SOS2: variants seen among roughly 807,000 people sequenced by gnomAD.
SOS2 encodes son of sevenless homolog 2.
Under a neutral mutation model 148.2 loss-of-function variants are expected in SOS2, and 65 were observed. The observed-to-expected ratio is 0.44, with a 90% CI of 0.36 to 0.54. The LOEUF is 0.54. Ranked by LOEUF, SOS2 falls within the 20% of genes least tolerant of loss-of-function variation. The pLI, the probability that SOS2 is intolerant of heterozygous loss-of-function variation, is 0.00. For synonymous variants in SOS2, 539 were observed against 537.1 expected, an observed-to-expected ratio of 1.00 and a Z score of -0.05; for missense variants, 1,341 against 1,590.2, an observed-to-expected ratio of 0.84 and a Z score of 2.67.
chr14:50,157,515 C>T (rs1884858047), intron 11 of SOS2, among the ~76,000 whole-genome samples: 1 of 151,700 alleles, frequency 6.6e-6, no homozygotes, highest in Non-Finnish European at 1.5e-5. Context: ...GGGCCAAAAC[C>T]GAATATTTAA....
At chr14:50,173,835 T>C (rs955280791) in intron 8 of SOS2, among the ~76,000 whole-genome samples, 1 of 152,194 alleles carries the variant, frequency 6.6e-6, no homozygotes, top group African/African-American at 2.4e-5. Context: ...ATGAATAATA[T>C]ATAAGCATAT....
intron 4 of SOS2, among the ~76,000 whole-genome samples, chr14:50,195,844 C>T (rs576988058): frequency 1.3e-5 from 2 of 152,064 alleles, no homozygotes; most frequent in Non-Finnish European, 2.9e-5. Context: ...GCCTGGCCAA[C>T]ATAGTGAAAC....
intron 1 of SOS2, among the ~76,000 whole-genome samples, chr14:50,229,332 T>C (rs1410748736): frequency 6.6e-6 from 1 of 152,106 alleles, no homozygotes; most frequent in African/African-American, 2.4e-5. Flanking sequence ...AAAGACCAAA[T>C]TTTCTTAGAT....
intron 1 of SOS2, among the ~76,000 whole-genome samples, chr14:50,209,289 G>A (rs1886783753): frequency 4.2e-5 from 4 of 95,192 alleles, no homozygotes; most frequent in Admixed American, 3.1e-4. Flanking sequence ...GTGTGTGTGT[G>A]TGTGTGTGTG....
At chr14:50,185,392 G>T (rs1376498371) in intron 5 of SOS2, among the ~76,000 whole-genome samples, 2 of 152,162 alleles carry the variant, frequency 1.3e-5, no homozygotes, top group Non-Finnish European at 2.9e-5. Context: ...TCTGTGTTGA[G>T]TGTGAAGATT....
chr14:50,145,152 G>A lies in SOS2; in HGVS notation c.2667+18C>T, dbSNP rs1884429442. ...CATCATCCCCGAGAAAAATGAAAAA[G>A]TTAAGCCTAAAACTTACCTCAAAGG... On this transcript the variant is annotated intron_variant, in intron 16 of 22. Coordinates refer to ENST00000216373, the MANE Select transcript of SOS2 (RefSeq NM_006939.4). The A allele has an allele frequency of 7.3e-7, 1 of 1,364,032 alleles. No homozygotes were observed. The highest frequency in any genetic ancestry group is 9.6e-7 in the Non-Finnish European group (1 of 1,039,872). 84.5% of individuals were successfully genotyped at this position (1,364,032 alleles called of 1,614,324 possible). A position where few individuals can be genotyped will look rare whatever the true frequency, so the allele number is the denominator to read the frequency against.
intron 4 of SOS2, among the ~76,000 whole-genome samples, chr14:50,198,428 G>T (rs1394143760): frequency 6.6e-6 from 1 of 151,908 alleles, no homozygotes; most frequent in Non-Finnish European, 1.5e-5. Context: ...TGATGTAAGT[G>T]AAAAGTCATT....
intron 9 of SOS2, among the ~76,000 whole-genome samples, chr14:50,161,028 AG>A (rs1402439929): frequency 6.6e-6 from 1 of 151,262 alleles, no homozygotes; most frequent in Non-Finnish European, 1.5e-5. Flanking sequence ...AAAGAAAAAA[AG>A]GCTGGGCGCA....
At chr14:50,171,947 A>C (rs893053130) in intron 8 of SOS2, among the ~76,000 whole-genome samples, 2 of 150,036 alleles carry the variant, frequency 1.3e-5, no homozygotes, top group African/African-American at 4.9e-5. Context: ...CTTGGTATAC[A>C]TGTGCCTGCA....
chr14:50,186,548 G>A (rs1168121107), intron 5 of SOS2, among the ~76,000 whole-genome samples: 1 of 151,548 alleles, frequency 6.6e-6, no homozygotes, highest in Admixed American at 6.6e-5. Context: ...TTGGGGGGCT[G>A]AGAAGGAAGA....
chr14:50,222,512 A>G (rs1168775744), intron 1 of SOS2, among the ~76,000 whole-genome samples: 2 of 152,234 alleles, frequency 1.3e-5, no homozygotes, highest in African/African-American at 2.4e-5. Flanking sequence ...AGGAGGATGT[A>G]GCAGTTTTAG....
chr14:50,221,938 A>G (rs946560733), intron 1 of SOS2, among the ~76,000 whole-genome samples: 39 of 152,148 alleles, frequency 2.6e-4, no homozygotes, highest in Non-Finnish European at 1.5e-4. Flanking sequence ...TGTTGTTGTA[A>G]GGAGTATAAA....
chr14:50,186,064 A>G (rs1885898273), intron 5 of SOS2, among the ~76,000 whole-genome samples: 1 of 152,198 alleles, frequency 6.6e-6, no homozygotes, highest in South Asian at 2.1e-4. Context: ...TTTTGAAAAC[A>G]TAGGATGAGG....
chr14:50,139,634 C>T (rs1432929735), intron 17 of SOS2, among the ~76,000 whole-genome samples: 1 of 152,112 alleles, frequency 6.6e-6, no homozygotes, highest in Non-Finnish European at 1.5e-5. Context: ...AAAGAGAAAG[C>T]AAACACTGTA....
intron 5 of SOS2, among the ~76,000 whole-genome samples, 200 bp from the exon 6 acceptor site, chr14:50,182,806 T>C (rs1289252460): frequency 6.6e-6 from 1 of 152,238 alleles, no homozygotes; most frequent in Non-Finnish European, 1.5e-5. Context: ...TTGACTTCTT[T>C]CTTAGACAAA....
chr14:50,145,151 AG>A lies in SOS2; in HGVS notation c.2667+18del. On this transcript the variant is annotated intron_variant, in intron 16 of 22. Transcript: ENST00000216373. ...TCATCATCCCCGAGAAAAATGAAAA[AG>A]TTAAGCCTAAAACTTACCTCAAAGG... 1 of 1,364,536 alleles carries A rather than the reference AG, an allele frequency of 7.3e-7. No homozygotes were observed. Among genetic ancestry groups the A allele is most frequent in the Non-Finnish European group, 9.6e-7 (1 of 1,038,998 alleles). 84.5% of individuals were successfully genotyped at this position (1,364,536 alleles called of 1,614,324 possible).
chr14:50,200,528 A>G (rs947612458), intron 3 of SOS2, among the ~76,000 whole-genome samples: 1 of 152,136 alleles, frequency 6.6e-6, no homozygotes. Context: ...TAGTCAGAGT[A>G]GCAGTCATTG....
intron 1 of SOS2, among the ~76,000 whole-genome samples, chr14:50,208,323 T>C (rs1010911767): frequency 3.3e-5 from 5 of 151,604 alleles, no homozygotes; most frequent in Admixed American, 3.3e-4. Context: ...AATCTCTTTG[T>C]GAACTTCTTT....
intron 12 of SOS2, 27 bp downstream of exon 12, chr14:50,156,972 T>C (rs756797932): frequency 7.5e-7 from 1 of 1,339,630 alleles, no homozygotes; most frequent in Admixed American, 2.0e-5. Flanking sequence ...TGTATATATA[T>C]ATATATAAAA....
Sources: allele counts gnomAD v4.1 joint callset (sites outside exome capture counted in the v4.1 genomes callset), GRCh38; gene constraint gnomAD v4.1.1; transcripts MANE v1.5; gene names NCBI Gene and HGNC (gene_info 2026-07-23, HGNC 2026-07-21).